Variants in ASPRV1 observed in about 807,000 individuals in gnomAD.
ASPRV1 encodes the protein retroviral-like aspartic protease 1.
A neutral mutation model predicts 11.0 loss-of-function variants in ASPRV1; 7 were observed. That is an observed-to-expected ratio of 0.64 (90% CI 0.36 to 1.20). The LOEUF is 1.20. Ranked by LOEUF, ASPRV1 falls within the 50% of genes most tolerant of loss-of-function variation. ASPRV1 has a pLI of 0.02. For missense variants in ASPRV1, 299 were observed against 320.0 expected (o/e 0.93, Z 0.50); for synonymous variants, 136 against 138.4 (o/e 0.98, Z 0.12).
chr2:70,074,156 A>AAC, the ASPRV1 span, among the ~76,000 whole-genome samples: 2 of 150,496 alleles, frequency 1.3e-5, no homozygotes, highest in African/African-American at 4.9e-5. Context: ...AAAAAAAAAA[A>AAC]AAAACAGAAA....
At chr2:69,973,213 C>A in the ASPRV1 span, among the ~76,000 whole-genome samples, 1 of 152,172 alleles carries the variant, frequency 6.6e-6, no homozygotes, top group East Asian at 1.9e-4. Context: ...CCAGTTGGGT[C>A]TTACAGGATG....
At chr2:69,970,632 T>C in the ASPRV1 span, 1 of 152,266 alleles carries the variant, frequency 6.6e-6, no homozygotes, top group African/African-American at 2.4e-5. Flanking sequence ...GGTGCTATCA[T>C]AAGGGACTGC....
the ASPRV1 span, among the ~76,000 whole-genome samples, chr2:70,004,628 A>C: frequency 1.3e-5 from 2 of 152,144 alleles, no homozygotes; most frequent in African/African-American, 4.8e-5. Context: ...TTTGGTAAGA[A>C]GATAGACTAC....
chr2:69,991,285 C>T, the ASPRV1 span, among the ~76,000 whole-genome samples: 1 of 152,198 alleles, frequency 6.6e-6, no homozygotes, highest in Non-Finnish European at 1.5e-5. Context: ...TGTGTGGGGG[C>T]TCTCCTGATC....
At chr2:70,079,444 G>A in the ASPRV1 span, among the ~76,000 whole-genome samples, 595 of 152,248 alleles carry the variant, frequency 3.9e-3, 2 homozygotes, top group Non-Finnish European at 5.6e-3. Context: ...CTGCAGTCCG[G>A]CCTGGACAAC....
chr2:70,042,468 C>G, the ASPRV1 span, among the ~76,000 whole-genome samples: 1 of 152,148 alleles, frequency 6.6e-6, no homozygotes, highest in Admixed American at 6.5e-5. Flanking sequence ...GACAGCAGGG[C>G]TTTAGTCCTG....
At chr2:70,027,304 G>A in the ASPRV1 span, among the ~76,000 whole-genome samples, 6 of 147,906 alleles carry the variant, frequency 4.1e-5, no homozygotes, top group African/African-American at 1.5e-4. Context: ...GGAGCAGGAT[G>A]TAAGTTAGTA....
chr2:70,001,893 A>G, the ASPRV1 span, among the ~76,000 whole-genome samples: 1 of 152,252 alleles, frequency 6.6e-6, no homozygotes, highest in Non-Finnish European at 1.5e-5. Flanking sequence ...ATAGTGAAAT[A>G]TAAGCGATCA....
the ASPRV1 span, among the ~76,000 whole-genome samples, chr2:69,982,694 G>A: frequency 6.6e-6 from 1 of 152,156 alleles, no homozygotes; most frequent in East Asian, 1.9e-4. Flanking sequence ...GGAAGACAGA[G>A]TCATGCAGGC....
chr2:70,057,654 GT>G, the ASPRV1 span, among the ~76,000 whole-genome samples: 1 of 151,206 alleles, frequency 6.6e-6, no homozygotes, highest in Non-Finnish European at 1.5e-5. Flanking sequence ...AATTATTGTA[GT>G]TTTAGTAAAG....
chr2:70,007,028 A>G, the ASPRV1 span, among the ~76,000 whole-genome samples: 1 of 152,208 alleles, frequency 6.6e-6, no homozygotes, highest in Admixed American at 6.5e-5. Context: ...TCATTGTGAC[A>G]TACAGGCAGT....
At chr2:70,010,734 G>C in the ASPRV1 span, among the ~76,000 whole-genome samples, 15 of 152,144 alleles carry the variant, frequency 9.9e-5, no homozygotes, top group Non-Finnish European at 1.6e-4. Flanking sequence ...CCTCCAGGAA[G>C]TGCTCCCTGA....
At chr2:70,034,598 G>C in the ASPRV1 span, among the ~76,000 whole-genome samples, 2 of 151,640 alleles carry the variant, frequency 1.3e-5, no homozygotes, top group Non-Finnish European at 2.9e-5. Context: ...AAGAAAATCA[G>C]ATTTTATTTT....
the ASPRV1 span, among the ~76,000 whole-genome samples, chr2:70,058,345 C>A: frequency 2.0e-5 from 3 of 152,026 alleles, no homozygotes; most frequent in Admixed American, 2.0e-4. Flanking sequence ...CGGGTTCATG[C>A]GATTCTCCTG....
chr2:69,960,385 C>A lies in ASPRV1; in HGVS notation c.*272G>T, dbSNP rs979752872. On this transcript the variant is annotated 3_prime_UTR_variant, in exon 1 of 1. Transcript: ENST00000320256. ...CTAGCTTCCTTGGGAGCTCTTCCAG[C>A]CTTTGAGTCTTTGTCATCAACAGCA... is the stretch of plus-strand genomic sequence containing the variant. The A allele has an allele frequency of 1.6e-5, 7 of 430,982 alleles. No individual in the cohort carries two copies. In the Admixed American group the frequency reaches 2.6e-4, roughly 16 times the overall value. 26.7% of individuals were successfully genotyped at this position (430,982 alleles called of 1,614,324 possible).
chr2:69,983,625 G>A, the ASPRV1 span, among the ~76,000 whole-genome samples: 1 of 152,166 alleles, frequency 6.6e-6, no homozygotes, highest in East Asian at 1.9e-4. Context: ...TCTGAGGAAT[G>A]GGGGAGGGTA....
chr2:70,073,003 T>C, the ASPRV1 span: 1 of 150,380 alleles, frequency 6.6e-6, no homozygotes, highest in African/African-American at 2.5e-5. Context: ...GCCAGGGAGG[T>C]TGAGGCTGCA....
chr2:69,965,384 C>T (rs1356047041), upstream of ASPRV1, among the ~76,000 whole-genome samples: 1 of 151,972 alleles, frequency 6.6e-6, no homozygotes, highest in Non-Finnish European at 1.5e-5. Context: ...CCCTGGGCGA[C>T]ACCAGAATTG....
Position 69,960,726 on chromosome 2 carries a change from A to G in ASPRV1, c.711T>C (p.Asp237=). Residue 237 remains aspartate (D), a synonymous_variant, in exon 1 of 1, where the codon GAT becomes GAC. Coordinates refer to ENST00000320256, the MANE Select transcript of ASPRV1 (RefSeq NM_152792.4). ...CCTCTATGAGCTCCAGGTCAAACTC[A>G]TCTTCCAGGGACCCTCCCACAGGCA... is the stretch of plus-strand genomic sequence containing the variant. ...RLLPVGGSLE[D]EFDLELIEED... 1 of 1,614,086 alleles carries G rather than the reference A, an allele frequency of 6.2e-7. No individual in the cohort carries two copies. The highest frequency in any genetic ancestry group is 8.5e-7 in the Non-Finnish European group (1 of 1,179,986).
Sources: gnomAD v4.1 joint callset for allele counts (sites outside exome capture counted in the v4.1 genomes callset) on GRCh38, gnomAD v4.1.1 for gene constraint, MANE v1.5 for transcripts, NCBI Gene and HGNC (gene_info 2026-07-23, HGNC 2026-07-21) for gene names.